The following NEMP2 variants were observed in gnomAD, a reference collection of about 807,000 sequenced individuals.
NEMP2 encodes the protein UPF0571 transmembrane protein.
NEMP2 carries 53 observed loss-of-function variants against 54.2 expected under a neutral mutation model. The ratio of observed to expected loss-of-function variants is 0.98; its 90% CI spans 0.78 to 1.23. The LOEUF is 1.23. Ranked by LOEUF, NEMP2 falls within the 50% of genes most tolerant of loss-of-function variation. The pLI, the probability that NEMP2 is intolerant of heterozygous loss-of-function variation, is 0.00. For synonymous variants in NEMP2, 197 were observed against 190.3 expected (o/e 1.04, Z -0.29); for missense variants, 455 against 511.3 (o/e 0.89, Z 1.06).
the NEMP2 span, among the ~76,000 whole-genome samples, chr2:190,557,470 A>G: frequency 6.6e-6 from 1 of 152,128 alleles, no homozygotes; most frequent in African/African-American, 2.4e-5. Context: ...CCAAAATTGA[A>G]AGTGGGATTA....
the NEMP2 span, among the ~76,000 whole-genome samples, chr2:190,642,002 T>A: frequency 2.0e-5 from 3 of 152,262 alleles, no homozygotes; most frequent in African/African-American, 7.2e-5. The surrounding 1 kb of genome is among the most constrained non-coding windows in gnomAD (Gnocchi z 4.1). Context: ...GTCAATTAAA[T>A]GTTTGGTTGT....
the NEMP2 span, chr2:190,437,286 C>G: frequency 6.2e-7 from 1 of 1,614,172 alleles, no homozygotes; most frequent in Non-Finnish European, 8.5e-7. The surrounding 1 kb of genome is among the most constrained non-coding windows in gnomAD (Gnocchi z 5.9). Flanking sequence ...CTACAGAGTC[C>G]TCTGAGGAGA....
At position 190,506,074 on chromosome 2, in the gene NEMP2, T is replaced by A. The variant is rs1690180255; in HGVS notation, c.*3115A>T. 1 of 152,234 alleles carries A rather than the reference T, an allele frequency of 6.6e-6. No individual in the cohort carries two copies. Among genetic ancestry groups the A allele is most frequent in the Admixed American group, 6.5e-5 (1 of 15,286 alleles). 9.4% of individuals were successfully genotyped at this position (152,234 alleles called of 1,614,324 possible). On this transcript the variant is annotated 3_prime_UTR_variant, in exon 9 of 9. Coordinates refer to ENST00000409150, the MANE Select transcript of NEMP2 (RefSeq NM_001142645.2). The surrounding 1 kb of genome is among the most constrained non-coding windows in gnomAD (Gnocchi z 6.3). ...CAAGTGTTTTTATCCTTATGCTAGTTATATTTTTGGTTGTGAATCACTACC... is the reference window on the plus strand; with the variant it reads ...CAAGTGTTTTTATCCTTATGCTAGTAATATTTTTGGTTGTGAATCACTACC...
the NEMP2 span, among the ~76,000 whole-genome samples, chr2:190,445,468 A>AAAAAAC: frequency 6.8e-6 from 1 of 146,416 alleles, no homozygotes; most frequent in East Asian, 2.0e-4. Context: ...AAAAAAAAAA[A>AAAAAAC]CCCCGACTAT....
At chr2:190,616,635 A>G in the NEMP2 span, among the ~76,000 whole-genome samples, 12 of 152,330 alleles carry the variant, frequency 7.9e-5, no homozygotes, top group African/African-American at 2.4e-4. This position sits in a 1 kb window ranked among gnomAD's most constrained non-coding sequence, Gnocchi z 5.1. Context: ...TCTTTTGAAT[A>G]GAAGGAAACT....
At chr2:190,624,381 T>C in the NEMP2 span, 2 of 152,188 alleles carry the variant, frequency 1.3e-5, no homozygotes, top group Non-Finnish European at 2.9e-5. Flanking sequence ...TAAAACAGTA[T>C]AGAAGTTCCT....
chr2:190,472,981 A>G, the NEMP2 span, among the ~76,000 whole-genome samples: 1 of 152,236 alleles, frequency 6.6e-6, no homozygotes, highest in African/African-American at 2.4e-5. Flanking sequence ...ATATCCAGCC[A>G]AACTAAGCTT....
chr2:190,451,193 A>T, the NEMP2 span, among the ~76,000 whole-genome samples: 6 of 152,208 alleles, frequency 3.9e-5, no homozygotes, highest in Admixed American at 2.6e-4. The surrounding 1 kb of genome is among the most constrained non-coding windows in gnomAD (Gnocchi z 5.0). Context: ...TCTAGATTCA[A>T]ATCCCACACT....
At chr2:190,496,504 CATT>C in the NEMP2 span, among the ~76,000 whole-genome samples, 19 of 152,104 alleles carry the variant, frequency 1.2e-4, no homozygotes, top group African/African-American at 4.6e-4. The surrounding 1 kb of genome is among the most constrained non-coding windows in gnomAD (Gnocchi z 4.7). Flanking sequence ...GAAAAGAAGT[CATT>C]ATATGAAAAA....
chr2:190,602,338 T>C, the NEMP2 span, among the ~76,000 whole-genome samples: 14 of 152,254 alleles, frequency 9.2e-5, no homozygotes, highest in Non-Finnish European at 1.9e-4. Context: ...GCAGCATTTC[T>C]GTATTGCAGA....
At chr2:190,596,340 T>C in the NEMP2 span, among the ~76,000 whole-genome samples, 1 of 152,196 alleles carries the variant, frequency 6.6e-6, no homozygotes, top group Non-Finnish European at 1.5e-5. This position sits in a 1 kb window ranked among gnomAD's most constrained non-coding sequence, Gnocchi z 5.1. Context: ...ATGGCACGTG[T>C]ATACCTATGT....
the NEMP2 span, among the ~76,000 whole-genome samples, chr2:190,581,819 A>T: frequency 6.6e-6 from 1 of 152,156 alleles, no homozygotes; most frequent in Non-Finnish European, 1.5e-5. Flanking sequence ...GCCCATTTAT[A>T]TTGGTTCCCA....
At chr2:190,538,652 A>C (rs1691453111), upstream of NEMP2, among the ~76,000 whole-genome samples, 1 of 152,152 alleles carries the variant, frequency 6.6e-6, no homozygotes, top group Non-Finnish European at 1.5e-5. This position sits in a 1 kb window ranked among gnomAD's most constrained non-coding sequence, Gnocchi z 4.1. Flanking sequence ...TTTGATTAAA[A>C]AAAAAACTGA....
At chr2:190,497,503 C>T in the NEMP2 span, 3 of 1,614,188 alleles carry the variant, frequency 1.9e-6, no homozygotes, top group Non-Finnish European at 2.5e-6. This position sits in a 1 kb window ranked among gnomAD's most constrained non-coding sequence, Gnocchi z 5.2. Flanking sequence ...CAACCATCGA[C>T]TTGGTACAGC....
At chr2:190,442,682 G>T in the NEMP2 span, 50,500 of 151,850 alleles carry the variant, frequency 0.33, 9,175 homozygotes, top group Admixed American at 0.47. Context: ...GCTTGGTATG[G>T]TAATTCCAAA....
chr2:190,464,807 C>G, the NEMP2 span: 5 of 592,982 alleles, frequency 8.4e-6, no homozygotes, highest in South Asian at 3.6e-4. Context: ...TAGATTTCCT[C>G]TTCATTTTTA....
At chr2:190,434,521 C>T in the NEMP2 span, among the ~76,000 whole-genome samples, 14 of 152,142 alleles carry the variant, frequency 9.2e-5, no homozygotes, top group East Asian at 1.9e-4. This position sits in a 1 kb window ranked among gnomAD's most constrained non-coding sequence, Gnocchi z 4.3. Flanking sequence ...CTGCAACCTC[C>T]GCCTCCTGGG....
the NEMP2 span, among the ~76,000 whole-genome samples, chr2:190,432,354 C>T: frequency 1.3e-5 from 2 of 152,194 alleles, no homozygotes; most frequent in African/African-American, 4.8e-5. Context: ...GCCCTGCTTT[C>T]AGCATGGCAC....
chr2:190,536,823 G>T (rs1307645058), upstream of NEMP2, among the ~76,000 whole-genome samples: 2 of 152,166 alleles, frequency 1.3e-5, no homozygotes, highest in East Asian at 3.8e-4. Flanking sequence ...GTGAAGGCAA[G>T]GATAACAACA....
Sources: allele counts gnomAD v4.1 joint callset (sites outside exome capture counted in the v4.1 genomes callset), GRCh38; gene constraint gnomAD v4.1.1; non-coding constraint Gnocchi (gnomAD v3.1); transcripts MANE v1.5; gene names NCBI Gene and HGNC (gene_info 2026-07-23, HGNC 2026-07-21).